The following SGCD variants were observed in gnomAD, a reference collection of about 807,000 sequenced individuals.
SGCD encodes the protein sarcoglycan delta.
In SGCD, 18 loss-of-function variants were observed where a neutral mutation model predicts 36.6. The ratio of observed to expected loss-of-function variants is 0.49; its 90% CI spans 0.34 to 0.73. SGCD has a LOEUF of 0.73. Among genes scored for constraint, SGCD ranks in the 30% least tolerant of loss-of-function variants. The pLI is 0.01. For synonymous variants in SGCD, 133 were observed against 130.6 expected, an observed-to-expected ratio of 1.02 and a Z score of -0.12; for missense variants, 387 against 346.7, an observed-to-expected ratio of 1.12 and a Z score of -0.92.
chr5:156,669,545 T>A (rs1448207977), intron 7 of SGCD, among the ~76,000 whole-genome samples: 1 of 152,196 alleles, frequency 6.6e-6, no homozygotes, highest in Non-Finnish European at 1.5e-5. Context: ...GTAATTCAGG[T>A]AAGCACAATA....
intron 7 of SGCD, among the ~76,000 whole-genome samples, chr5:156,681,253 G>C (rs956273200): frequency 6.6e-6 from 1 of 152,132 alleles, no homozygotes; most frequent in African/African-American, 2.4e-5. Flanking sequence ...CAGCAGAAAG[G>C]CTGGAAAGGG....
chr5:156,354,482 A>C (rs1466440107), intron 3 of SGCD, among the ~76,000 whole-genome samples: 1 of 152,242 alleles, frequency 6.6e-6, no homozygotes, highest in Non-Finnish European at 1.5e-5. Context: ...AATTCCAATT[A>C]TAAAGAAATT....
chr5:156,646,290 T>C (rs1763221798), intron 6 of SGCD, among the ~76,000 whole-genome samples: 1 of 152,222 alleles, frequency 6.6e-6, no homozygotes, highest in Admixed American at 6.5e-5. Flanking sequence ...TGTCAGAACC[T>C]ATCTCCCTAG....
At chr5:156,610,797 T>G (rs570880518) in intron 6 of SGCD, among the ~76,000 whole-genome samples, 1 of 152,366 alleles carries the variant, frequency 6.6e-6, no homozygotes, top group South Asian at 2.1e-4. Flanking sequence ...CAGACTCCTG[T>G]GCTGGCAGTG....
At chr5:155,765,115 C>CA in the SGCD span, among the ~76,000 whole-genome samples, 1 of 151,556 alleles carries the variant, frequency 6.6e-6, no homozygotes, top group Non-Finnish European at 1.5e-5. Flanking sequence ...CCCATCTCTA[C>CA]AAAAAAATTT....
At chr5:156,482,267 G>GAA (rs948660536) in intron 3 of SGCD, among the ~76,000 whole-genome samples, 3 of 144,152 alleles carry the variant, frequency 2.1e-5, no homozygotes, top group Admixed American at 6.9e-5. Context: ...TTGAAATCCT[G>GAA]AAAAAAAAAA....
intron 7 of SGCD, among the ~76,000 whole-genome samples, chr5:156,671,985 A>G (rs1384669295): frequency 2.6e-5 from 4 of 152,174 alleles, no homozygotes; most frequent in Admixed American, 6.5e-5. Flanking sequence ...AAGGCACAGT[A>G]GAGTTTATTT....
intron 4 of SGCD, among the ~76,000 whole-genome samples, chr5:156,564,752 A>AT (rs1759412047): frequency 6.6e-6 from 1 of 151,842 alleles, no homozygotes; most frequent in Non-Finnish European, 1.5e-5. Flanking sequence ...AGTTTTCATC[A>AT]TTTTTTTGGC....
chr5:156,543,752 C>A (rs1387260002), intron 4 of SGCD, among the ~76,000 whole-genome samples: 1 of 152,184 alleles, frequency 6.6e-6, no homozygotes, highest in East Asian at 1.9e-4. Flanking sequence ...AGCCTTTGAT[C>A]CTCCAAGACT....
chr5:156,201,929 A>G (rs1764160094), intron 3 of SGCD, among the ~76,000 whole-genome samples: 1 of 152,166 alleles, frequency 6.6e-6, no homozygotes, highest in Non-Finnish European at 1.5e-5. Context: ...TAATGAGGCC[A>G]CAGGAGAGCA....
chr5:156,526,295 A>G (rs544486911), intron 4 of SGCD, among the ~76,000 whole-genome samples: 37 of 152,322 alleles, frequency 2.4e-4, no homozygotes, highest in African/African-American at 8.9e-4. Flanking sequence ...GGGATGGCAG[A>G]CACGCACACA....
chr5:156,073,535 C>T (rs1404034638), intron 1 of SGCD, among the ~76,000 whole-genome samples: 1 of 152,158 alleles, frequency 6.6e-6, no homozygotes, highest in East Asian at 1.9e-4. Context: ...TGCACTCTAG[C>T]CTGGGTGACA....
In SGCD at chr5:156,728,241, G is replaced by C. The variant is rs183671542; in HGVS notation, c.576-29340G>C. On this transcript the variant is annotated intron_variant, in intron 7 of 8. Transcript: ENST00000337851. ...TAGATTTTCCTTTGCTCAGAAACTG[G>C]AATTCTCATAGTAATGGTACCTTCT... Among the ~76,000 whole-genome samples, 334 of 152,178 alleles carry C rather than the reference G, an allele frequency of 2.2e-3. 2 individuals carry two copies. The highest frequency in any genetic ancestry group is 7.8e-3 in the African/African-American group (325 of 41,526).
At chr5:156,476,163 T>C (rs953041703) in intron 3 of SGCD, among the ~76,000 whole-genome samples, 1 of 152,144 alleles carries the variant, frequency 6.6e-6, no homozygotes. Context: ...TGGCTGTTTC[T>C]GGGGGTATAG....
intron 1 of SGCD, among the ~76,000 whole-genome samples, chr5:156,012,372 T>A (rs1013730201): frequency 6.6e-6 from 1 of 152,060 alleles, no homozygotes; most frequent in South Asian, 2.1e-4. Flanking sequence ...TGTTTGAAAA[T>A]TTATCTTAGA....
At chr5:156,419,229 A>G (rs1348946100) in intron 3 of SGCD, among the ~76,000 whole-genome samples, 3 of 152,186 alleles carry the variant, frequency 2.0e-5, no homozygotes, top group Non-Finnish European at 4.4e-5. Context: ...AAGTAACAAT[A>G]TCAATCACCT....
chr5:156,476,725 A>G (rs866961609), intron 3 of SGCD, among the ~76,000 whole-genome samples: 19 of 152,222 alleles, frequency 1.2e-4, no homozygotes, highest in African/African-American at 3.6e-4. Context: ...ATCATTGTAG[A>G]GGAAAATTGT....
chr5:156,087,410 G>A (rs998321484), intron 1 of SGCD, among the ~76,000 whole-genome samples: 5 of 151,962 alleles, frequency 3.3e-5, no homozygotes, highest in South Asian at 4.1e-4. Flanking sequence ...AGGCTGAGGC[G>A]GGTGGATCAC....
chr5:156,707,203 T>C (rs1754779746), intron 7 of SGCD, among the ~76,000 whole-genome samples: 1 of 152,212 alleles, frequency 6.6e-6, no homozygotes, highest in African/African-American at 2.4e-5. Context: ...ATATTTGTTT[T>C]CATTGGCCTT....
Sources: gnomAD v4.1 joint callset for allele counts (sites outside exome capture counted in the v4.1 genomes callset) on GRCh38, gnomAD v4.1.1 for gene constraint, MANE v1.5 for transcripts, NCBI Gene and HGNC (gene_info 2026-07-23, HGNC 2026-07-21) for gene names.